Variants in HDAC9 observed in about 807,000 individuals in gnomAD.
The protein encoded by HDAC9 is MEF-2 interacting transcription repressor (MITR) protein.
In HDAC9, 41 loss-of-function variants were observed where a neutral mutation model predicts 139.4. The observed-to-expected ratio is 0.29, with a 90% CI of 0.23 to 0.38. HDAC9 has a LOEUF of 0.38. Among genes scored for constraint, HDAC9 ranks in the 10% least tolerant of loss-of-function variants. HDAC9 has a pLI of 1.00. For synonymous variants in HDAC9, 517 were observed against 476.2 expected, an observed-to-expected ratio of 1.09 and a Z score of -1.12; for missense variants, 1,147 against 1,297.0, an observed-to-expected ratio of 0.88 and a Z score of 1.78.
chr7:18,849,800 A>C lies in HDAC9; in HGVS notation c.2684+13803A>C, dbSNP rs1365527625. 2.6e-5 allele frequency among the ~76,000 whole-genome samples: 4 copies of C among 152,342 alleles called. No individual in the cohort carries two copies. The East Asian group carries it at 7.7e-4, about 29-fold the overall frequency. On this transcript the variant is annotated intron_variant, in intron 21 of 25. Coordinates refer to ENST00000686413, the MANE Select transcript of HDAC9 (RefSeq NM_178425.4). ...ACCCCGAAATAAGACATTAAATGTT[A>C]GAATGTATTACTTTTCCTGGTTAGA... is the stretch of plus-strand genomic sequence containing the variant.
At chr7:18,710,660 A>G (rs1784279512) in intron 12 of HDAC9, among the ~76,000 whole-genome samples, 2 of 152,212 alleles carry the variant, frequency 1.3e-5, no homozygotes, top group African/African-American at 4.8e-5. Flanking sequence ...CCGTTCATCT[A>G]ACAGAGGGTT....
rs1788385400 is a variant in HDAC9, at chr7:18,750,894, A to C, written c.2043+1756A>C. On this transcript the variant is annotated intron_variant, in intron 14 of 25. Coordinates refer to ENST00000686413, the MANE Select transcript of HDAC9 (RefSeq NM_178425.4). ...TTGCTGCTTACATTTTTTCACATTCACGTTTGTGTTATATCCTGCGGCAGC... is the reference window on the plus strand; with the variant it reads ...TTGCTGCTTACATTTTTTCACATTCCCGTTTGTGTTATATCCTGCGGCAGC... Among the ~76,000 whole-genome samples, 7 of 152,042 alleles carry C rather than the reference A, an allele frequency of 4.6e-5. 1 individual carries two copies. The South Asian group carries it at 1.5e-3, about 32-fold the overall frequency.
intron 21 of HDAC9, among the ~76,000 whole-genome samples, chr7:18,849,338 A>T (rs968920489): frequency 6.6e-6 from 1 of 152,242 alleles, no homozygotes; most frequent in Non-Finnish European, 1.5e-5. Context: ...GAAGAGAAAC[A>T]GAATTAACAA....
chr7:18,470,716 TAGA>T (rs1316893799), intron 1 of HDAC9, among the ~76,000 whole-genome samples: 8 of 152,320 alleles, frequency 5.3e-5, no homozygotes, highest in African/African-American at 1.7e-4. Context: ...ATACATTATT[TAGA>T]AGAATAGGCG....
chr7:18,747,940 C>A (rs1178163), intron 13 of HDAC9, among the ~76,000 whole-genome samples: 25,153 of 152,144 alleles, frequency 0.17, 2,302 homozygotes, highest in East Asian at 0.42. Flanking sequence ...GCATAAATTA[C>A]TGGTGCTTAT....
At chr7:18,748,563 C>T (rs1005449191) in intron 13 of HDAC9, among the ~76,000 whole-genome samples, 2 of 152,136 alleles carry the variant, frequency 1.3e-5, no homozygotes, top group Non-Finnish European at 2.9e-5. Flanking sequence ...GATCTGAAGT[C>T]AGGCTAGAAT....
intron 17 of HDAC9, among the ~76,000 whole-genome samples, chr7:18,799,680 G>C (rs575981003): frequency 6.6e-6 from 1 of 152,210 alleles, no homozygotes; most frequent in Admixed American, 6.5e-5. Context: ...AATGTGAGCA[G>C]GCAGATGAAA....
At chr7:18,181,308 A>G (rs1433517566) in intron 2 of HDAC9, among the ~76,000 whole-genome samples, 1 of 152,218 alleles carries the variant, frequency 6.6e-6, no homozygotes, top group South Asian at 2.1e-4. Flanking sequence ...ACACTGTTCT[A>G]GGCAATAGGA....
chr7:18,843,444 G>A (rs1020665452), intron 21 of HDAC9, among the ~76,000 whole-genome samples: 2 of 152,040 alleles, frequency 1.3e-5, no homozygotes, highest in Admixed American at 6.6e-5. Context: ...TGGAATTGTC[G>A]TGTAGTTAAT....
At chr7:18,804,430 ATAT>A (rs574075210) in intron 17 of HDAC9, among the ~76,000 whole-genome samples, 58 of 152,296 alleles carry the variant, frequency 3.8e-4, no homozygotes, top group Admixed American at 2.8e-3. Context: ...TACGTAAATA[ATAT>A]TAAAAATGAA....
chr7:18,610,354 G>T (rs1203127076), intron 6 of HDAC9, among the ~76,000 whole-genome samples: 1 of 152,112 alleles, frequency 6.6e-6, no homozygotes, highest in Non-Finnish European at 1.5e-5. Flanking sequence ...TTCCAGTCTT[G>T]CCTCTTCTGG....
chr7:18,228,886 A>G (rs1356005791), intron 2 of HDAC9, among the ~76,000 whole-genome samples: 1 of 152,194 alleles, frequency 6.6e-6, no homozygotes, highest in African/African-American at 2.4e-5. Flanking sequence ...AACAGAATAC[A>G]GTCGTGTGAG....
intron 11 of HDAC9, among the ~76,000 whole-genome samples, chr7:18,661,506 T>C (rs1175331319): frequency 6.6e-6 from 1 of 152,090 alleles, no homozygotes; most frequent in African/African-American, 2.4e-5. Flanking sequence ...AGTAGAATGG[T>C]ATAAAAAGTT....
chr7:18,290,598 G>A lies in HDAC9; in HGVS notation c.-42+83G>A, dbSNP rs150068739. On this transcript the variant is annotated intron_variant, in intron 1 of 3. Coordinates refer to the HDAC9 transcript ENST00000413509. ...GTTTTTAAGTCTGACTCTGCAAATC[G>A]TCTTTAATAACTTGTAGGCTGTGGA... 23 of 454,852 alleles carry A rather than the reference G, an allele frequency of 5.1e-5. No homozygotes were observed. The Middle Eastern group carries it at 3.0e-3, about 58-fold the overall frequency. 28.2% of individuals were successfully genotyped at this position (454,852 alleles called of 1,614,324 possible).
At chr7:18,114,156 G>A (rs1209941158) in intron 1 of HDAC9, among the ~76,000 whole-genome samples, 1 of 152,220 alleles carries the variant, frequency 6.6e-6, no homozygotes, top group African/African-American at 2.4e-5. Context: ...ATGGTTGCAA[G>A]ATGATACTGT....
chr7:18,329,477 A>G (rs1800737429), intron 1 of HDAC9, among the ~76,000 whole-genome samples: 1 of 151,698 alleles, frequency 6.6e-6, no homozygotes, highest in South Asian at 2.1e-4. Context: ...TTATACTTAG[A>G]AGGCCACTTT....
chr7:18,895,841 A>G (rs11765532), intron 22 of HDAC9, among the ~76,000 whole-genome samples: 3 of 151,910 alleles, frequency 2.0e-5, no homozygotes, highest in Non-Finnish European at 2.9e-5. Flanking sequence ...CTGTTTAGAG[A>G]CTTGAAATGC....
chr7:18,151,541 G>C (rs1786781136), intron 1 of HDAC9, among the ~76,000 whole-genome samples: 1 of 152,180 alleles, frequency 6.6e-6, no homozygotes, highest in Admixed American at 6.5e-5. Context: ...ATCCTCACTA[G>C]ACATCTTTCA....
chr7:18,432,716 G>C (rs1312616861), intron 1 of HDAC9, among the ~76,000 whole-genome samples: 2 of 152,142 alleles, frequency 1.3e-5, no homozygotes, highest in African/African-American at 4.8e-5. Context: ...GGGAGGCCGA[G>C]GTGGGCGGAT....
Sources: allele counts gnomAD v4.1 joint callset (sites outside exome capture counted in the v4.1 genomes callset), GRCh38; gene constraint gnomAD v4.1.1; transcripts MANE v1.5; gene names NCBI Gene and HGNC (gene_info 2026-07-23, HGNC 2026-07-21).